The following ITPR3 variants were observed in gnomAD, a reference collection of about 807,000 sequenced individuals.
ITPR3 encodes the protein inositol 1,4,5-trisphosphate receptor type 3.
Under a neutral mutation model 293.2 loss-of-function variants are expected in ITPR3, and 173 were observed. That is an observed-to-expected ratio of 0.59 (90% CI 0.52 to 0.67). ITPR3 has a LOEUF of 0.67. ITPR3 is among the 30% of genes least tolerant of loss of function. ITPR3 has a pLI of 0.00. For missense variants in ITPR3, 2,796 were observed against 3,592.1 expected (o/e 0.78, Z 5.66); for synonymous variants, 1,295 against 1,444.4 (o/e 0.90, Z 2.35).
chr6:33,653,476 T>C (rs1049509628), intron 2 of ITPR3, among the ~76,000 whole-genome samples: 1 of 152,082 alleles, frequency 6.6e-6, no homozygotes, highest in East Asian at 1.9e-4. Context: ...TGGCCATGAG[T>C]GATGTATTTT....
chr6:33,684,715 G>A lies in ITPR3; in HGVS notation c.5137+27G>A. 6.2e-7 allele frequency: 1 copy of A among 1,612,356 alleles called. No individual in the cohort carries two copies. Among genetic ancestry groups the A allele is most frequent in the Non-Finnish European group, 8.5e-7 (1 of 1,178,976 alleles). On this transcript the variant is annotated intron_variant, in intron 38 of 57. Coordinates refer to ENST00000605930, the MANE Select transcript of ITPR3 (RefSeq NM_002224.4). The surrounding 1 kb of genome is among the most constrained non-coding windows in gnomAD (Gnocchi z 4.2). The stretch of plus-strand genomic sequence containing the variant: ...TCAGTATCACCTTCCCCTGCCCCCG[G>A]GCCCTCCCTTCCACTCTCCTGTCAC...
At chr6:33,629,319 C>T (rs1270028911) in intron 1 of ITPR3, among the ~76,000 whole-genome samples, 1 of 152,070 alleles carries the variant, frequency 6.6e-6, no homozygotes, top group Non-Finnish European at 1.5e-5. Context: ...GCATTCAGGG[C>T]CCAATCCATA....
chr6:33,688,271 C>T lies in ITPR3; in HGVS notation c.6408C>T (p.Ile2136=). ...GGCAGGACCGCAGCATGGAGCAGATCGTGTTCCCAGTGCCCGGCATCTGCC... is the reference window on the plus strand; with the variant it reads ...GGCAGGACCGCAGCATGGAGCAGATTGTGTTCCCAGTGCCCGGCATCTGCC... ...IVRQDRSMEQ[I]VFPVPGICQF... The change falls in exon 48 of 58, where the codon ATC becomes ATT. Residue 2136 remains isoleucine, a synonymous_variant. Coordinates refer to ENST00000605930, the MANE Select transcript of ITPR3 (RefSeq NM_002224.4). 5 of 1,614,198 alleles carry T rather than the reference C, an allele frequency of 3.1e-6. No homozygotes were observed. The highest frequency in any genetic ancestry group is 3.4e-6 in the Non-Finnish European group (4 of 1,180,024).
chr6:33,670,617 G>C lies in ITPR3; in HGVS notation c.2441+41G>C. 6.2e-7 allele frequency: 1 copy of C among 1,612,792 alleles called. No homozygotes were observed. Among genetic ancestry groups the C allele is most frequent in the Non-Finnish European group, 8.5e-7 (1 of 1,179,482 alleles). ...GCAGGGTGGGCGGGGCAGGGGCAGA[G>C]GCTGGAGTGGGTGTATCTCGGGGAC... is the stretch of plus-strand genomic sequence containing the variant. On this transcript the variant is annotated intron_variant, in intron 19 of 57. Coordinates refer to ENST00000605930, the MANE Select transcript of ITPR3 (RefSeq NM_002224.4). This position sits in a 1 kb window ranked among gnomAD's most constrained non-coding sequence, Gnocchi z 6.7.
chr6:33,692,867 T>C lies in ITPR3; in HGVS notation c.7598T>C (p.Ile2533Thr). 1 of 1,614,096 alleles carries C rather than the reference T, an allele frequency of 6.2e-7. No homozygotes were observed. Among genetic ancestry groups the C allele is most frequent in the Non-Finnish European group, 8.5e-7 (1 of 1,180,000 alleles). The part of the protein sequence containing the change: ...LRSEKQKKEE[I>T]LKTTCFICGL... ...AGTGAGAAGCAGAAGAAGGAGGAGA[T>C]TCTTAAGACGACATGCTTCATCTGT... Residue 2533 changes from isoleucine (I) to threonine (T), a missense_variant, in exon 55 of 58, where the codon ATT (isoleucine) becomes ACT (threonine). Physicochemically the swap from Ile to Thr is moderately conservative, Grantham distance 89. Coordinates refer to ENST00000605930, the MANE Select transcript of ITPR3 (RefSeq NM_002224.4). This position sits in a 1 kb window ranked among gnomAD's most constrained non-coding sequence, Gnocchi z 4.2.
In ITPR3 at chr6:33,692,697, G is replaced by A. The variant is rs367843608; in HGVS notation, c.7459-31G>A. The A allele has an allele frequency of 4.3e-6, 7 of 1,609,624 alleles. No individual in the cohort carries two copies. Among genetic ancestry groups the A allele is most frequent in the East Asian group, 4.5e-5 (2 of 44,808 alleles). On this transcript the variant is annotated intron_variant, in intron 54 of 57. Transcript: ENST00000605930. The surrounding 1 kb of genome is among the most constrained non-coding windows in gnomAD (Gnocchi z 4.2). The stretch of plus-strand genomic sequence containing the variant: ...TGCCCCAGTGAATGTGGGGACCACC[G>A]GGCCCAGCCTCCCTGCCTCATCCCC...
At position 33,684,964 on chromosome 6, in the gene ITPR3, G is replaced by A. The variant is rs745599909; in HGVS notation, c.5307+21G>A. On this transcript the variant is annotated intron_variant, in intron 39 of 57. Coordinates refer to ENST00000605930, the MANE Select transcript of ITPR3 (RefSeq NM_002224.4). The surrounding 1 kb of genome is among the most constrained non-coding windows in gnomAD (Gnocchi z 4.2). Reference sequence around the variant, plus strand: ...TCCAGGTGTGGGGGGCCTGGGGCCTGGACATGCCCTCCTTTGCCTCCCTCC... The same window carrying A: ...TCCAGGTGTGGGGGGCCTGGGGCCTAGACATGCCCTCCTTTGCCTCCCTCC... 6.3e-7 allele frequency: 1 copy of A among 1,589,582 alleles called. No homozygotes were observed. Among genetic ancestry groups the A allele is most frequent in the Non-Finnish European group, 8.6e-7 (1 of 1,165,374 alleles).
rs79512672 is a variant in ITPR3, at chr6:33,653,664, G to A, written c.161-2102G>A. 8.0e-4 allele frequency among the ~76,000 whole-genome samples: 122 copies of A among 152,312 alleles called. No homozygotes were observed. In the East Asian group the frequency reaches 0.01, roughly 13 times the overall value. ...ACTGCTCATAGATGTCCACCTATGC[G>A]TGTGGGCAGGACATTTGCCATCAGG... On this transcript the variant is annotated intron_variant, in intron 2 of 57. Coordinates refer to ENST00000605930, the MANE Select transcript of ITPR3 (RefSeq NM_002224.4).
Position 33,688,814 on chromosome 6 carries a change from G to C in ITPR3, c.6694+33G>C, listed in dbSNP as rs376478819. 6 of 1,613,770 alleles carry C rather than the reference G, an allele frequency of 3.7e-6. No homozygotes were observed. In the South Asian group the frequency reaches 6.6e-5, roughly 18 times the overall value. On this transcript the variant is annotated intron_variant, in intron 49 of 57. Coordinates refer to ENST00000605930, the MANE Select transcript of ITPR3 (RefSeq NM_002224.4). ...CACAGGGCTGGCCGGCAGGTTCCCC[G>C]GGCCCTGCCATGCTTCCTCCCTGGG...
In ITPR3 at chr6:33,693,716, G is replaced by A. The variant is rs1765458075; in HGVS notation, c.7785+11G>A. 1 of 1,613,150 alleles carries A rather than the reference G, an allele frequency of 6.2e-7. No homozygotes were observed. Among genetic ancestry groups the A allele is most frequent in the African/African-American group, 1.3e-5 (1 of 74,944 alleles). ...GCCCAGATGATCAAGGTGTGAGCAG[G>A]GGCTGTGCCAGGCCTGTGGGCCCAA... On this transcript the variant is annotated intron_variant, in intron 56 of 57. Coordinates refer to ENST00000605930, the MANE Select transcript of ITPR3 (RefSeq NM_002224.4).
chr6:33,663,910 A>G lies in ITPR3; in HGVS notation c.1148+30A>G, dbSNP rs201788174. 25 of 1,612,228 alleles carry G rather than the reference A, an allele frequency of 1.6e-5. No homozygotes were observed. The East Asian group carries it at 5.4e-4, about 35-fold the overall frequency. On this transcript the variant is annotated intron_variant, in intron 11 of 57. Transcript: ENST00000605930. ...GTATGCGCCATGTGCCTGGGAGTTG[A>G]CTGGTGGTGCTCAGGGTGGGCCCTC... is the stretch of plus-strand genomic sequence containing the variant.
chr6:33,659,629 CGCCAG>C, intron 7 of ITPR3, 80 bp downstream of exon 7: 1 of 1,222,210 alleles, frequency 8.2e-7, no homozygotes, highest in South Asian at 1.2e-5. Context: ...CTTCTCCACC[CGCCAG>C]GCCTCAGGCC....
At chr6:33,674,180 C>T in intron 23 of ITPR3, 28 bp from the exon 24 acceptor site, 1 of 1,613,642 alleles carries the variant, frequency 6.2e-7, no homozygotes, top group South Asian at 1.1e-5. Context: ...GGCCTACAAT[C>T]TGCTTCCATC....
At position 33,667,889 on chromosome 6, in the gene ITPR3, A is replaced by G. The variant is rs1764654083; in HGVS notation, c.1811A>G (p.Lys604Arg). 1.9e-6 allele frequency: 3 copies of G among 1,614,196 alleles called. No individual in the cohort carries two copies. Among genetic ancestry groups the G allele is most frequent in the Non-Finnish European group, 2.5e-6 (3 of 1,180,026 alleles). ...TITALLHNNRKLLEKHITKTE... is the reference protein window; with the variant it reads ...TITALLHNNRRLLEKHITKTE... ...ACTGCCCTGCTGCACAACAACCGCAAGCTCCTGGAAAAGCACATCACCAAG... is the reference window on the plus strand; with the variant it reads ...ACTGCCCTGCTGCACAACAACCGCAGGCTCCTGGAAAAGCACATCACCAAG... Residue 604 changes from lysine (K) to arginine (R), a missense_variant, in exon 16 of 58, where the codon AAG (lysine) becomes AGG (arginine). This residue lies in a region of ITPR3 where 955 missense variants were observed against 1,180.8 expected (regional missense o/e 0.81). Coordinates refer to ENST00000605930, the MANE Select transcript of ITPR3 (RefSeq NM_002224.4). The surrounding 1 kb of genome is among the most constrained non-coding windows in gnomAD (Gnocchi z 4.4).
chr6:33,653,316 T>G lies in ITPR3; in HGVS notation c.161-2450T>G, dbSNP rs569772101. 8.0e-5 allele frequency among the ~76,000 whole-genome samples: 12 copies of G among 150,346 alleles called. No homozygotes were observed. In the East Asian group the frequency reaches 2.3e-3, roughly 29 times the overall value. ...TTTTTGTAAAGACAGGATTTCGTCA[T>G]GTTGCCCAGGCCAGTCTCGAACTCC... is the stretch of plus-strand genomic sequence containing the variant. On this transcript the variant is annotated intron_variant, in intron 2 of 57. Coordinates refer to ENST00000605930, the MANE Select transcript of ITPR3 (RefSeq NM_002224.4).
Position 33,662,587 on chromosome 6 carries a change from C to T in ITPR3, c.771C>T (p.Tyr257=). ...AGAAGTTCCTGACGTGTGACGAGTA[C>T]AAGGGCAAGCTGCAGGTGTTCCTGC... ...EQEKFLTCDE[Y]KGKLQVFLRT... The change falls in exon 8 of 58, where the codon TAC becomes TAT. Residue 257 remains tyrosine, a synonymous_variant. Coordinates refer to ENST00000605930, the MANE Select transcript of ITPR3 (RefSeq NM_002224.4). 1 of 1,612,200 alleles carries T rather than the reference C, an allele frequency of 6.2e-7. No homozygotes were observed. The highest frequency in any genetic ancestry group is 8.5e-7 in the Non-Finnish European group (1 of 1,179,768).
chr6:33,623,571 G>A (rs906840088), intron 1 of ITPR3, among the ~76,000 whole-genome samples: 18 of 151,732 alleles, frequency 1.2e-4, no homozygotes, highest in African/African-American at 2.9e-4. Context: ...CAAGCAATCC[G>A]CCCACCCCAG....
chr6:33,693,850 G>A (rs1765462169), intron 56 of ITPR3, 145 bp downstream of exon 56: 1 of 963,326 alleles, frequency 1.0e-6, no homozygotes. Flanking sequence ...GGCCCTAGGA[G>A]GCCAGGCAGA....
intron 57 of ITPR3, 24 bp from the exon 58 acceptor site, chr6:33,695,688 C>A: frequency 6.2e-7 from 1 of 1,613,318 alleles, no homozygotes; most frequent in African/African-American, 1.3e-5. Flanking sequence ...CTGACCAGGC[C>A]TGTTGGCATC....
Sources: allele counts gnomAD v4.1 joint callset (sites outside exome capture counted in the v4.1 genomes callset), GRCh38; gene constraint gnomAD v4.1.1; regional missense constraint gnomAD v4.1.1; non-coding constraint Gnocchi (gnomAD v3.1); transcripts MANE v1.5; gene names NCBI Gene and HGNC (gene_info 2026-07-23, HGNC 2026-07-21).